CYP19A1: variants seen among roughly 807,000 people sequenced by gnomAD.
CYP19A1 encodes the protein cytochrome P450 family 19 subfamily A member 1, also known as aromatase.
Under a neutral mutation model 44.4 loss-of-function variants are expected in CYP19A1, and 32 were observed. The ratio of observed to expected loss-of-function variants is 0.72; its 90% CI spans 0.54 to 0.97. The LOEUF (loss-of-function observed/expected upper bound fraction) is 0.97. Among genes scored for constraint, CYP19A1 ranks in the 50% least tolerant of loss-of-function variants. The pLI is 0.00. For missense variants in CYP19A1, 598 were observed against 637.8 expected, an observed-to-expected ratio of 0.94 and a Z score of 0.67; for synonymous variants, 212 against 215.6, an observed-to-expected ratio of 0.98 and a Z score of 0.14.
rs1295829642 is a variant in CYP19A1 at position 51,226,877 on chromosome 15, G to A, written c.451+902C>T. ...TTGCCTGGGTGAAAATCATAACTTC[G>A]TTGGAACTTTATTTCCTCAACTGTT... On this transcript the variant is annotated intron_variant, in intron 4 of 9. Transcript: ENST00000396402. Among the ~76,000 whole-genome samples, 4 of 151,952 alleles carry A rather than the reference G, an allele frequency of 2.6e-5. No individual in the cohort carries two copies. The East Asian group carries it at 7.7e-4, about 29-fold the overall frequency.
At chr15:51,270,540 C>T (rs1050323481) in intron 1 of CYP19A1, among the ~76,000 whole-genome samples, 14 of 152,088 alleles carry the variant, frequency 9.2e-5, no homozygotes, top group Admixed American at 3.9e-4. Context: ...AGCCACTGTT[C>T]TAGGGAAATT....
intron 1 of CYP19A1, among the ~76,000 whole-genome samples, chr15:51,263,925 A>G (rs772637669): frequency 3.9e-5 from 6 of 152,356 alleles, no homozygotes; most frequent in Middle Eastern, 3.4e-3. Context: ...CAGTTGTGTC[A>G]CATTCTCCAG....
chr15:51,296,578 T>C (rs184222522), intron 1 of CYP19A1, among the ~76,000 whole-genome samples: 1 of 152,328 alleles, frequency 6.6e-6, no homozygotes, highest in African/African-American at 2.4e-5. Flanking sequence ...ATGAGGTACA[T>C]TTTTCATAGT....
At chr15:51,273,245 G>A (rs569084350) in intron 1 of CYP19A1, among the ~76,000 whole-genome samples, 16 of 152,108 alleles carry the variant, frequency 1.1e-4, no homozygotes, top group South Asian at 2.1e-4. Flanking sequence ...CACCACACCC[G>A]ACCCCCTTCC....
chr15:51,224,832 G>T (rs376389852), intron 4 of CYP19A1, among the ~76,000 whole-genome samples: 23 of 152,196 alleles, frequency 1.5e-4, no homozygotes, highest in African/African-American at 5.5e-4. Flanking sequence ...CCTTGGCCAC[G>T]TCCCTGAATG....
At chr15:51,260,261 T>C (rs1241879588) in intron 1 of CYP19A1, among the ~76,000 whole-genome samples, 1 of 152,202 alleles carries the variant, frequency 6.6e-6, no homozygotes, top group Admixed American at 6.5e-5. Context: ...GCTGAAGCCT[T>C]AGTGATGTTG....
intron 1 of CYP19A1, among the ~76,000 whole-genome samples, chr15:51,316,702 G>T (rs1027505898): frequency 1.5e-4 from 22 of 150,016 alleles, no homozygotes; most frequent in Admixed American, 6.6e-5. Flanking sequence ...AACATGGGGA[G>T]ACCTCTGTCT....
intron 1 of CYP19A1, among the ~76,000 whole-genome samples, chr15:51,271,557 A>G (rs570459836): frequency 1.3e-5 from 2 of 152,286 alleles, no homozygotes; most frequent in African/African-American, 4.8e-5. Context: ...CTTGTTGACA[A>G]ACTAGCTCCA....
intron 1 of CYP19A1, among the ~76,000 whole-genome samples, chr15:51,306,409 GTTTT>G (rs575708257): frequency 2.0e-5 from 3 of 150,046 alleles, no homozygotes; most frequent in Non-Finnish European, 4.4e-5. Flanking sequence ...TTTGTTTTTT[GTTTT>G]TTTTCTAAAA....
chr15:51,226,333 G>C (rs1196857294), intron 4 of CYP19A1, among the ~76,000 whole-genome samples: 2 of 152,184 alleles, frequency 1.3e-5, no homozygotes, highest in Non-Finnish European at 2.9e-5. Context: ...ACATAGCCTT[G>C]CCTATGCCTT....
rs143128123 is a variant in CYP19A1, at chr15:51,293,728, C to T, written c.-39+44767G>A. On this transcript the variant is annotated intron_variant, in intron 1 of 9. Coordinates refer to ENST00000396402, the MANE Select transcript of CYP19A1 (RefSeq NM_000103.4). The stretch of plus-strand genomic sequence containing the variant: ...CGCGCCGCCACGCCTGACTGTTTTT[C>T]GTACTTTTTTGGTGGAGACGGGGTT... 4.3e-3 allele frequency: 684 copies of T among 160,252 alleles called. 8 individuals are homozygous for T. The highest frequency in any genetic ancestry group is 0.016 in the African/African-American group (649 of 41,674). 9.9% of individuals were successfully genotyped at this position (160,252 alleles called of 1,614,324 possible).
At position 51,225,589 on chromosome 15, in the gene CYP19A1, G is replaced by A. The variant is rs1015109255; in HGVS notation, c.451+2190C>T. On this transcript the variant is annotated intron_variant, in intron 4 of 9. Transcript: ENST00000396402. Reference sequence around the variant, plus strand: ...CAACCTGTAATACTAAGTCCTATACGTTTTCCATTAATTCATTCCATAGTT... The same window carrying A: ...CAACCTGTAATACTAAGTCCTATACATTTTCCATTAATTCATTCCATAGTT... Among the ~76,000 whole-genome samples the A allele has an allele frequency of 7.7e-4, 117 of 152,104 alleles. 2 individuals carry two copies. The highest frequency in any genetic ancestry group is 2.4e-4 in the African/African-American group (10 of 41,414).
In CYP19A1 at chr15:51,308,311, G is replaced by A. The variant is rs112097653; in HGVS notation, c.-39+30184C>T. On this transcript the variant is annotated intron_variant, in intron 1 of 9. Coordinates refer to ENST00000396402, the MANE Select transcript of CYP19A1 (RefSeq NM_000103.4). ...TTGGGCTGCCTCTGATCCCCACCAA[G>A]TCGGTCCTCTGTCCCCAACTTACCC... Among the ~76,000 whole-genome samples the A allele has an allele frequency of 1.8e-4, 28 of 152,304 alleles. 1 individual carries two copies. Among genetic ancestry groups the A allele is most frequent in the African/African-American group, 6.5e-4 (27 of 41,566 alleles).
chr15:51,217,440 A>G (rs1322431214), intron 6 of CYP19A1, among the ~76,000 whole-genome samples: 1 of 152,230 alleles, frequency 6.6e-6, no homozygotes, highest in African/African-American at 2.4e-5. Context: ...TCAAGTCACA[A>G]TAAGCTCTGG....
intron 1 of CYP19A1, among the ~76,000 whole-genome samples, chr15:51,259,120 G>A (rs1472534625): frequency 6.6e-6 from 1 of 152,158 alleles, no homozygotes; most frequent in Non-Finnish European, 1.5e-5. Context: ...GATATGATAC[G>A]TCATTACAGG....
intron 1 of CYP19A1, among the ~76,000 whole-genome samples, chr15:51,317,079 T>C (rs968047763): frequency 6.6e-6 from 1 of 151,732 alleles, no homozygotes; most frequent in Non-Finnish European, 1.5e-5. Context: ...TTTAGGATTC[T>C]TTTGGCATAA....
At chr15:51,233,498 T>C (rs751408253) in intron 3 of CYP19A1, among the ~76,000 whole-genome samples, 4 of 152,220 alleles carry the variant, frequency 2.6e-5, no homozygotes, top group Non-Finnish European at 5.9e-5. Flanking sequence ...TTTCAAGAAA[T>C]ATTTAATGGA....
At chr15:51,294,146 G>A (rs1328140730) in intron 1 of CYP19A1, among the ~76,000 whole-genome samples, 4 of 135,986 alleles carry the variant, frequency 2.9e-5, no homozygotes, top group Non-Finnish European at 6.0e-5. Context: ...CGTCTGGGAT[G>A]TGAGGAGCCC....
intron 1 of CYP19A1, among the ~76,000 whole-genome samples, chr15:51,297,817 GACACACACACACACACAC>G (rs1159870053): frequency 2.4e-4 from 27 of 111,788 alleles, no homozygotes; most frequent in East Asian, 1.1e-3. Flanking sequence ...CTGTAGGCAT[GACACACACACACACACAC>G]ACACACACAC....
Sources: gnomAD v4.1 joint callset for allele counts (sites outside exome capture counted in the v4.1 genomes callset) on GRCh38, gnomAD v4.1.1 for gene constraint, MANE v1.5 for transcripts, NCBI Gene and HGNC (gene_info 2026-07-23, HGNC 2026-07-21) for gene names.